Variants in NCAPG observed in about 807,000 individuals in gnomAD.
The protein encoded by NCAPG is non-SMC condensin I complex subunit G.
Under a neutral mutation model 113.1 loss-of-function variants are expected in NCAPG, and 69 were observed. The ratio of observed to expected loss-of-function variants is 0.61; its 90% CI spans 0.50 to 0.75. The LOEUF is 0.75. Among genes scored for constraint, NCAPG ranks in the 30% least tolerant of loss-of-function variants. The pLI is 0.00. For synonymous variants in NCAPG, 370 were observed against 415.8 expected (o/e 0.89, Z 1.34); for missense variants, 1,058 against 1,177.0 (o/e 0.90, Z 1.48).
Position 17,825,964 on chromosome 4 carries a change from A to G in NCAPG, c.1653+403A>G, listed in dbSNP as rs190196245. On this transcript the variant is annotated intron_variant, in intron 11 of 20. Coordinates refer to ENST00000251496, the MANE Select transcript of NCAPG (RefSeq NM_022346.5). ...TTTTATTGCTAGCAAAATAATTTCT[A>G]TGGTAACGTGCATTTTTTTAAAGCT... Among the ~76,000 whole-genome samples the G allele has an allele frequency of 8.5e-4, 129 of 152,192 alleles. 1 individual carries two copies. The highest frequency in any genetic ancestry group is 3.4e-3 in the Middle Eastern group (1 of 294).
At chr4:17,833,176 G>C (rs1157384098) in intron 13 of NCAPG, among the ~76,000 whole-genome samples, 1 of 151,966 alleles carries the variant, frequency 6.6e-6, no homozygotes, top group Admixed American at 6.6e-5. Context: ...TTGAGACCAG[G>C]TTGACCAATG....
intron 20 of NCAPG, 50 bp downstream of exon 20, chr4:17,842,429 T>G: frequency 6.7e-7 from 1 of 1,481,574 alleles, no homozygotes. Context: ...CACTTTTTAT[T>G]TCTACAAGTA....
intron 13 of NCAPG, among the ~76,000 whole-genome samples, chr4:17,832,135 T>A (rs1306072401): frequency 2.0e-5 from 3 of 152,206 alleles, no homozygotes; most frequent in Admixed American, 6.5e-5. Flanking sequence ...TACATTTTTT[T>A]AAACCATTTG....
Position 17,837,792 on chromosome 4 carries a change from A to G in NCAPG, c.2457A>G (p.Gln819=). 6.2e-7 allele frequency: 1 copy of G among 1,613,780 alleles called. No individual in the cohort carries two copies. The highest frequency in any genetic ancestry group is 8.5e-7 in the Non-Finnish European group (1 of 1,179,784). Reference sequence around the variant, plus strand: ...TAAATCCTCAGGCCAAGACTTCCCAAGATTATCAGGTGAGTGACTGTGGTA... The same window carrying G: ...TAAATCCTCAGGCCAAGACTTCCCAGGATTATCAGGTGAGTGACTGTGGTA... The part of the protein sequence containing the change: ...SGLNPQAKTS[Q]DYQALTVHDN... Residue 819 remains glutamine, a synonymous_variant, in exon 16 of 21, where the codon CAA becomes CAG. Coordinates refer to ENST00000251496, the MANE Select transcript of NCAPG (RefSeq NM_022346.5).
At chr4:17,843,155 G>T in intron 20 of NCAPG, 147 bp from the exon 21 acceptor site, 1 of 799,874 alleles carries the variant, frequency 1.3e-6, no homozygotes, top group South Asian at 2.3e-5. Flanking sequence ...TTTTGACATT[G>T]AGATTTTAGT....
intron 14 of NCAPG, 56 bp from the exon 15 acceptor site, chr4:17,837,103 G>A: frequency 6.6e-7 from 1 of 1,504,162 alleles, no homozygotes; most frequent in Non-Finnish European, 9.1e-7. Flanking sequence ...GCTACATTGA[G>A]AGGCTTAAAA....
chr4:17,824,375 T>C (rs1229544094), intron 9 of NCAPG, among the ~76,000 whole-genome samples: 1 of 152,154 alleles, frequency 6.6e-6, no homozygotes, highest in Non-Finnish European at 1.5e-5. Context: ...TGCAGGTTAA[T>C]TCACAGATCA....
At chr4:17,817,164 A>G (rs889625314) in intron 5 of NCAPG, 97 bp from the exon 6 acceptor site, 1 of 833,026 alleles carries the variant, frequency 1.2e-6, no homozygotes, top group Middle Eastern at 2.3e-4. Context: ...TACTATTTCT[A>G]TTGTAAATAC....
Position 17,811,996 on chromosome 4 carries a change from C to A in NCAPG, c.112-225C>A, listed in dbSNP as rs1054097496. Among the ~76,000 whole-genome samples, 2 of 152,192 alleles carry A rather than the reference C, an allele frequency of 1.3e-5. No homozygotes were observed. The highest frequency in any genetic ancestry group is 2.4e-5 in the African/African-American group (1 of 41,456). ...ATTGAAAAAAATATATCAAAGGAAT[C>A]TTTTCACTGTCAAAAGTCAAGCTTG... is the stretch of plus-strand genomic sequence containing the variant. On this transcript the variant is annotated intron_variant, in intron 1 of 20. Coordinates refer to ENST00000251496, the MANE Select transcript of NCAPG (RefSeq NM_022346.5). This position sits in a 1 kb window ranked among gnomAD's most constrained non-coding sequence, Gnocchi z 5.3.
At chr4:17,840,841 C>A (rs1158467236) in intron 19 of NCAPG, 148 bp downstream of exon 19, 5 of 433,618 alleles carry the variant, frequency 1.2e-5, no homozygotes, top group African/African-American at 2.1e-5. Flanking sequence ...CTTTTTAATT[C>A]TTTCTGTGGA....
intron 5 of NCAPG, among the ~76,000 whole-genome samples, chr4:17,816,164 T>A (rs1427371657): frequency 1.3e-5 from 2 of 152,054 alleles, no homozygotes; most frequent in African/African-American, 4.8e-5. Context: ...GGCTGGATGG[T>A]TTCCAGATGA....
In NCAPG at chr4:17,842,384, G is replaced by C. The variant is rs1479436246; in HGVS notation, c.2924+5G>C. 6.2e-7 allele frequency: 1 copy of C among 1,610,190 alleles called. No individual in the cohort carries two copies. Among genetic ancestry groups the C allele is most frequent in the Non-Finnish European group, 8.5e-7 (1 of 1,176,956 alleles). On this transcript the variant is annotated splice_donor_5th_base_variant and intron_variant, in intron 20 of 20. Transcript: ENST00000251496. The stretch of plus-strand genomic sequence containing the variant: ...TGCTGAAGCCGACTCTGAAAGGTAT[G>C]TCATGCATGTCTAGAATATATGGAG...
At chr4:17,824,526 A>G (rs1197737575) in intron 9 of NCAPG, among the ~76,000 whole-genome samples, 1 of 152,130 alleles carries the variant, frequency 6.6e-6, no homozygotes, top group African/African-American at 2.4e-5. Flanking sequence ...CTGAAAGGAA[A>G]GTCCTTCCTT....
At chr4:17,825,089 A>C in intron 10 of NCAPG, 32 bp downstream of exon 10, 1 of 1,502,728 alleles carries the variant, frequency 6.7e-7, no homozygotes, top group Non-Finnish European at 9.2e-7. Flanking sequence ...GAAGTGCTTG[A>C]GTGTAATGTA....
chr4:17,830,954 G>C, intron 12 of NCAPG, 43 bp from the exon 13 acceptor site: 1 of 1,582,182 alleles, frequency 6.3e-7, no homozygotes, highest in Non-Finnish European at 8.6e-7. Flanking sequence ...GGGAAATGAA[G>C]TAGATCTATG....
In NCAPG at chr4:17,828,394, T is replaced by C; in HGVS notation, c.1764+6T>C. On this transcript the variant is annotated splice_donor_region_variant and intron_variant, in intron 12 of 20. Coordinates refer to ENST00000251496, the MANE Select transcript of NCAPG (RefSeq NM_022346.5). ...ATGGAATCATCGAATCTTTGGTATG[T>C]TGATGGCCTCTTGGGCTTTATTTTA... The C allele has an allele frequency of 6.4e-7, 1 of 1,568,190 alleles. No homozygotes were observed. The highest frequency in any genetic ancestry group is 8.8e-7 in the Non-Finnish European group (1 of 1,141,856).
intron 11 of NCAPG, among the ~76,000 whole-genome samples, chr4:17,827,574 T>C (rs1322285486): frequency 6.6e-6 from 1 of 152,138 alleles, no homozygotes; most frequent in Non-Finnish European, 1.5e-5. Context: ...TAGATGGTGA[T>C]GACAGTATGA....
chr4:17,828,087 C>T (rs139597745), intron 11 of NCAPG, among the ~76,000 whole-genome samples, 191 bp from the exon 12 acceptor site: 47 of 152,226 alleles, frequency 3.1e-4, no homozygotes, highest in Admixed American at 6.5e-4. Flanking sequence ...AGGCGTGAGT[C>T]GTTGCGCCTG....
At chr4:17,817,227 C>T (rs1291646649) in intron 5 of NCAPG, 34 bp from the exon 6 acceptor site, 3 of 1,508,114 alleles carry the variant, frequency 2.0e-6, no homozygotes, top group East Asian at 2.3e-5. Context: ...CTAGAGGGAG[C>T]CTTTGTTCAC....
Sources: allele counts gnomAD v4.1 joint callset (sites outside exome capture counted in the v4.1 genomes callset), GRCh38; gene constraint gnomAD v4.1.1; non-coding constraint Gnocchi (gnomAD v3.1); transcripts MANE v1.5; gene names NCBI Gene and HGNC (gene_info 2026-07-23, HGNC 2026-07-21).